Variants in MCMDC2 observed in about 807,000 individuals in gnomAD.
MCMDC2 encodes minichromosome maintenance domain-containing protein 2.
In MCMDC2, 54 loss-of-function variants were observed where a neutral mutation model predicts 75.8. That is an observed-to-expected ratio of 0.71 (90% CI 0.57 to 0.89). The LOEUF is 0.89. MCMDC2 is among the 40% of genes least tolerant of loss of function. MCMDC2 has a pLI of 0.00. For missense variants in MCMDC2, 656 were observed against 780.4 expected (o/e 0.84, Z 1.90); for synonymous variants, 249 against 274.6 (o/e 0.91, Z 0.92).
intron 8 of MCMDC2, among the ~76,000 whole-genome samples, chr8:66,883,546 C>T (rs1464347730): frequency 4.0e-5 from 6 of 151,828 alleles, no homozygotes; most frequent in African/African-American, 1.5e-4. Flanking sequence ...GTAATCATAG[C>T]ACTTTGGGAG....
In MCMDC2 at chr8:66,877,545, G is replaced by T; in HGVS notation, c.481+1G>T. 1 of 1,591,842 alleles carries T rather than the reference G, an allele frequency of 6.3e-7. No individual in the cohort carries two copies. Among genetic ancestry groups the T allele is most frequent in the Non-Finnish European group, 8.5e-7 (1 of 1,171,876 alleles). ...GATGAAGCATGCCCTCTTTCAAAAG[G>T]TAAATGTTAAATAGGAAAATCAAAG... On this transcript the variant is annotated splice_donor_variant, in intron 5 of 14. Transcript: ENST00000422365. LOFTEE classifies it high-confidence loss of function.
downstream of MCMDC2, among the ~76,000 whole-genome samples, chr8:66,923,288 C>A (rs1237101618): frequency 6.6e-6 from 1 of 152,046 alleles, no homozygotes; most frequent in Admixed American, 6.6e-5. Flanking sequence ...AAAATTAAGT[C>A]CCAAGTTAAC....
At chr8:66,883,327 C>T (rs530495559) in intron 8 of MCMDC2, among the ~76,000 whole-genome samples, 7 of 152,222 alleles carry the variant, frequency 4.6e-5, no homozygotes, top group Admixed American at 2.0e-4. Context: ...GCAATGCAGG[C>T]GCTCTATGAT....
In MCMDC2 at chr8:66,921,948, A is replaced by G. The variant is rs904164857; in HGVS notation, c.*2779A>G. 1.3e-5 allele frequency: 2 copies of G among 152,654 alleles called. No homozygotes were observed. Among genetic ancestry groups the G allele is most frequent in the African/African-American group, 4.8e-5 (2 of 41,480 alleles). The allele number at this position is 152,654 out of a possible 1,614,324, so 9.5% of individuals were successfully genotyped here. ...GCTATTTAGAGTTGATTTAAAAGAAAACACTTTATTGTTCAGCAATTAAAA... is the reference window on the plus strand; with the variant it reads ...GCTATTTAGAGTTGATTTAAAAGAAGACACTTTATTGTTCAGCAATTAAAA... On this transcript the variant is annotated 3_prime_UTR_variant, in exon 15 of 15. Coordinates refer to ENST00000422365, the MANE Select transcript of MCMDC2 (RefSeq NM_173518.5).
In MCMDC2 at chr8:66,876,717, GTTTTA is replaced by G. The variant is rs201920330; in HGVS notation, c.286-623_286-619del. Among the ~76,000 whole-genome samples, 10 of 152,128 alleles carry G rather than the reference GTTTTA, an allele frequency of 6.6e-5. No homozygotes were observed. In the East Asian group the frequency reaches 1.7e-3, roughly 26 times the overall value. The stretch of plus-strand genomic sequence containing the variant: ...GCTTCTTTGCTACCTGGTTGACATT[GTTTTA>G]TTTTATTTATTTATTTATTTTATTT... On this transcript the variant is annotated intron_variant, in intron 4 of 14. Transcript: ENST00000422365.
chr8:66,897,024 C>T, intron 12 of MCMDC2, 65 bp downstream of exon 12: 1 of 1,380,732 alleles, frequency 7.2e-7, no homozygotes, highest in Non-Finnish European at 9.9e-7. Flanking sequence ...ATATAGAAGT[C>T]CTTTTGAGTG....
rs1235766712 is a variant in MCMDC2 at position 66,874,064 on chromosome 8, C to A, written c.-77C>A. On this transcript the variant is annotated 5_prime_UTR_variant, in exon 2 of 15. Coordinates refer to ENST00000422365, the MANE Select transcript of MCMDC2 (RefSeq NM_173518.5). ...AATTTTATTTCTAGGTTTTCACATC[C>A]TTTCTATGAGTTTCGCCATCTATAG... is the stretch of plus-strand genomic sequence containing the variant. 8 of 912,602 alleles carry A rather than the reference C, an allele frequency of 8.8e-6. No individual in the cohort carries two copies. The African/African-American group carries it at 1.4e-4, about 16-fold the overall frequency. The allele number at this position is 912,602 out of a possible 1,614,324, so 56.5% of individuals were successfully genotyped here.
intron 14 of MCMDC2, among the ~76,000 whole-genome samples, chr8:66,907,604 G>A (rs143916097): frequency 0.036 from 5,520 of 152,260 alleles, 107 homozygotes; most frequent in Admixed American, 0.047. Flanking sequence ...TGGGATTGCT[G>A]GGTCAAATGG....
intron 14 of MCMDC2, among the ~76,000 whole-genome samples, chr8:66,910,983 A>G (rs1451936952): frequency 6.6e-6 from 1 of 152,208 alleles, no homozygotes; most frequent in African/African-American, 2.4e-5. Context: ...TCATAGGTGA[A>G]AAGGACTTGC....
chr8:66,874,205 AG>A lies in MCMDC2; in HGVS notation c.66del (p.Lys22AsnfsTer3). On this transcript the variant is annotated frameshift_variant, in exon 2 of 15. Coordinates refer to ENST00000422365, the MANE Select transcript of MCMDC2 (RefSeq NM_173518.5). LOFTEE classifies it high-confidence loss of function. ...CTTGACAGAAGTGGAGGCCTCCAAAAGTTTATAGATGATTGCAAGTACTACA... is the reference window on the plus strand; with the variant it reads ...CTTGACAGAAGTGGAGGCCTCCAAAATTTATAGATGATTGCAAGTACTACA... ...IYLDRSGGLQKFIDDCKYYND... is the reference protein window; with the variant it reads ...IYLDRSGGLQXFIDDCKYYND... 6.2e-7 allele frequency: 1 copy of A among 1,611,414 alleles called. No individual in the cohort carries two copies. The highest frequency in any genetic ancestry group is 8.5e-7 in the Non-Finnish European group (1 of 1,179,330).
At position 66,921,163 on chromosome 8, in the gene MCMDC2, G is replaced by T. The variant is rs1813513496; in HGVS notation, c.*1994G>T. On this transcript the variant is annotated 3_prime_UTR_variant, in exon 15 of 15. Transcript: ENST00000422365. ...TGTTTAAGTTTCTCATTAAAGAGTA[G>T]AAGTGTACATTCAGAAACAATTATG... is the stretch of plus-strand genomic sequence containing the variant. The T allele has an allele frequency of 6.6e-6, 1 of 152,252 alleles. No individual in the cohort carries two copies. Among genetic ancestry groups the T allele is most frequent in the South Asian group, 2.1e-4 (1 of 4,826 alleles). 9.4% of individuals were successfully genotyped at this position (152,252 alleles called of 1,614,324 possible). A position where few individuals can be genotyped will look rare whatever the true frequency, so the allele number is the denominator to read the frequency against.
Position 66,895,547 on chromosome 8 carries a change from C to A in MCMDC2, c.1280-623C>A, listed in dbSNP as rs190600140. Among the ~76,000 whole-genome samples, 122 of 151,876 alleles carry A rather than the reference C, an allele frequency of 8.0e-4. 1 individual carries two copies. The South Asian group carries it at 0.025, about 31-fold the overall frequency. On this transcript the variant is annotated intron_variant, in intron 10 of 14. Coordinates refer to ENST00000422365, the MANE Select transcript of MCMDC2 (RefSeq NM_173518.5). ...TCAGCCTCCCAAGTAGCTGGGACCA[C>A]GGTAACATCCCACAATGCTTGGCTA...
chr8:66,901,098 T>C, intron 12 of MCMDC2, 108 bp from the exon 13 acceptor site: 2 of 764,398 alleles, frequency 2.6e-6, no homozygotes, highest in South Asian at 3.6e-5. Flanking sequence ...CTTTTTTATG[T>C]AATAAAATAT....
At position 66,878,568 on chromosome 8, in the gene MCMDC2, T is replaced by G; in HGVS notation, c.482-6T>G. 1 of 1,569,846 alleles carries G rather than the reference T, an allele frequency of 6.4e-7. No homozygotes were observed. Among genetic ancestry groups the G allele is most frequent in the East Asian group, 2.3e-5 (1 of 42,916 alleles). On this transcript the variant is annotated splice_polypyrimidine_tract_variant and splice_region_variant and intron_variant, in intron 5 of 14. Transcript: ENST00000422365. ...GCAAATGTATGTTACCACTGTTTTC[T>G]TTCAGGATTTCAGTATATAAGAGTG...
In MCMDC2 at chr8:66,909,471, T is replaced by C. The variant is rs541556084; in HGVS notation, c.1879+4136T>C. Among the ~76,000 whole-genome samples the C allele has an allele frequency of 9.2e-5, 14 of 152,200 alleles. No homozygotes were observed. In the South Asian group the frequency reaches 2.7e-3, roughly 29 times the overall value. On this transcript the variant is annotated intron_variant, in intron 14 of 14. Coordinates refer to ENST00000422365, the MANE Select transcript of MCMDC2 (RefSeq NM_173518.5). ...GGAGAGTTGGAACTTCCTAGAGACT[T>C]GTTGAATGTCTTTGACCAAAATGCT...
In MCMDC2 at chr8:66,919,300, A is replaced by G; in HGVS notation, c.*131A>G. On this transcript the variant is annotated 3_prime_UTR_variant, in exon 15 of 15. Transcript: ENST00000422365. ...ATATATTACAATACTGTTTTTAAAA[A>G]TATAAAATATAGTCCCCTCAAAACT... 1.5e-6 allele frequency: 1 copy of G among 660,596 alleles called. No homozygotes were observed. The highest frequency in any genetic ancestry group is 2.3e-6 in the Non-Finnish European group (1 of 433,654). The allele number at this position is 660,596 out of a possible 1,614,324, so 40.9% of individuals were successfully genotyped here.
At chr8:66,892,826 T>C (rs1812175498) in intron 10 of MCMDC2, among the ~76,000 whole-genome samples, 1 of 152,238 alleles carries the variant, frequency 6.6e-6, no homozygotes, top group African/African-American at 2.4e-5. Context: ...ATCAGTCATA[T>C]GATTTTTCTC....
At chr8:66,888,976 C>G (rs2130818720) in intron 9 of MCMDC2, among the ~76,000 whole-genome samples, 1 of 152,304 alleles carries the variant, frequency 6.6e-6, no homozygotes. Flanking sequence ...GGTTGAGAAC[C>G]ACTCCTTATA....
In MCMDC2 at chr8:66,890,850, A is replaced by AT. The variant is rs746532501; in HGVS notation, c.1074-7dup. 2.1e-5 allele frequency: 33 copies of AT among 1,586,020 alleles called. No individual in the cohort carries two copies. Among genetic ancestry groups the AT allele is most frequent in the African/African-American group, 1.9e-4 (14 of 73,260 alleles). The stretch of plus-strand genomic sequence containing the variant: ...ATTAAATAATAGTAATGAAAAGTTT[A>AT]TTTTTTTTCCCTAGGCTTCTGAATT... On this transcript the variant is annotated splice_polypyrimidine_tract_variant and intron_variant, in intron 9 of 14. Transcript: ENST00000422365.
Sources: gnomAD v4.1 joint callset for allele counts (sites outside exome capture counted in the v4.1 genomes callset) on GRCh38, gnomAD v4.1.1 for gene constraint, MANE v1.5 for transcripts, NCBI Gene and HGNC (gene_info 2026-07-23, HGNC 2026-07-21) for gene names.